Variants in EPN2 observed in about 807,000 individuals in gnomAD.
EPN2 encodes the protein epsin 2, also known as epsin-2.
EPN2 carries 34 observed loss-of-function variants against 61.7 expected under a neutral mutation model. That is an observed-to-expected ratio of 0.55 (90% CI 0.42 to 0.73). EPN2 has a LOEUF of 0.73. Ranked by LOEUF, EPN2 falls within the 30% of genes least tolerant of loss-of-function variation. EPN2 has a pLI of 0.00. For missense variants in EPN2, 714 were observed against 839.2 expected, an observed-to-expected ratio of 0.85 and a Z score of 1.84; for synonymous variants, 349 against 353.6, an observed-to-expected ratio of 0.99 and a Z score of 0.15.
chr17:19,301,606 G>A (rs1001494797), intron 4 of EPN2, among the ~76,000 whole-genome samples: 2 of 152,152 alleles, frequency 1.3e-5, no homozygotes, highest in Admixed American at 6.5e-5. Flanking sequence ...CACCTCTGAC[G>A]GCTTCTGAAC....
chr17:19,291,411 C>T (rs957060349), intron 4 of EPN2, among the ~76,000 whole-genome samples: 9 of 150,028 alleles, frequency 6.0e-5, no homozygotes, highest in African/African-American at 1.2e-4. Flanking sequence ...AGGCTATCCA[C>T]GGTTATCAGC....
chr17:19,282,366 A>G (rs1473370526), intron 2 of EPN2: 2 of 152,356 alleles, frequency 1.3e-5, no homozygotes, highest in Non-Finnish European at 2.9e-5. Context: ...ACATTCGGAA[A>G]CACAGTGGAC....
chr17:19,333,213 C>T (rs1907242983), intron 10 of EPN2, among the ~76,000 whole-genome samples: 1 of 152,088 alleles, frequency 6.6e-6, no homozygotes, highest in Admixed American at 6.5e-5. Flanking sequence ...TGCAGGAGCT[C>T]CAGTGGTCAT....
rs577867292 is a variant in EPN2, at chr17:19,290,391, C to T, written c.766+4601C>T. 5.3e-5 allele frequency among the ~76,000 whole-genome samples: 8 copies of T among 152,202 alleles called. No individual in the cohort carries two copies. In the South Asian group the frequency reaches 1.0e-3, roughly 20 times the overall value. ...AAATTACAGAAGTTCTTGGGGTAGA[C>T]GGAACCTACATCAAAGGGAGGCAGA... On this transcript the variant is annotated intron_variant, in intron 4 of 10. Coordinates refer to ENST00000314728, the MANE Select transcript of EPN2 (RefSeq NM_014964.5).
At chr17:19,298,956 A>C (rs915731282) in intron 4 of EPN2, among the ~76,000 whole-genome samples, 12 of 151,936 alleles carry the variant, frequency 7.9e-5, no homozygotes, top group Non-Finnish European at 1.2e-4. Flanking sequence ...TTCTTTTTTT[A>C]AGGATTCTTT....
chr17:19,247,616 C>T (rs531799005), intron 1 of EPN2, among the ~76,000 whole-genome samples: 1 of 152,284 alleles, frequency 6.6e-6, no homozygotes, highest in Admixed American at 6.5e-5. Flanking sequence ...GGGTGGATGC[C>T]TGCTGGGAGC....
chr17:19,263,399 T>C (rs927329851), intron 1 of EPN2, among the ~76,000 whole-genome samples: 4 of 152,156 alleles, frequency 2.6e-5, no homozygotes, highest in Non-Finnish European at 5.9e-5. Context: ...AGGAGGGAGT[T>C]CCAGGATAGA....
At chr17:19,290,566 T>C (rs1488254927) in intron 4 of EPN2, among the ~76,000 whole-genome samples, 6 of 151,768 alleles carry the variant, frequency 4.0e-5, no homozygotes, top group Admixed American at 3.9e-4. Context: ...AATGCTCAGC[T>C]TGGTGTTCTC....
intron 7 of EPN2, among the ~76,000 whole-genome samples, chr17:19,325,833 TCTA>T (rs139719322): frequency 0.88 from 133,614 of 151,952 alleles, 59,255 homozygotes; most frequent in Non-Finnish European, 0.93. Context: ...TGAAAAAATT[TCTA>T]CAGATAAGTT....
chr17:19,245,230 G>T (rs2044932142), intron 1 of EPN2, among the ~76,000 whole-genome samples: 1 of 152,138 alleles, frequency 6.6e-6, no homozygotes, highest in Non-Finnish European at 1.5e-5. Context: ...AGTCTGTGTG[G>T]GCTAGTAAGG....
At chr17:19,317,738 T>C (rs1490635778) in intron 7 of EPN2, among the ~76,000 whole-genome samples, 3 of 152,218 alleles carry the variant, frequency 2.0e-5, no homozygotes, top group East Asian at 1.9e-4. Flanking sequence ...TGGCATGGCC[T>C]GGACCCTGCC....
intron 1 of EPN2, among the ~76,000 whole-genome samples, chr17:19,260,494 G>A (rs186128626): frequency 2.0e-5 from 3 of 152,288 alleles, no homozygotes; most frequent in African/African-American, 7.2e-5. Context: ...TACACGGGTT[G>A]GTGGCGGAAG....
chr17:19,259,308 C>CTTTTTT (rs776768357), intron 1 of EPN2, among the ~76,000 whole-genome samples: 49 of 96,172 alleles, frequency 5.1e-4, no homozygotes, highest in East Asian at 1.7e-3. Context: ...AGTGTTGGGT[C>CTTTTTT]TTTTTTTTTT....
intron 4 of EPN2, among the ~76,000 whole-genome samples, chr17:19,295,384 T>G (rs1308896444): frequency 2.1e-5 from 2 of 93,766 alleles, no homozygotes; most frequent in Non-Finnish European, 5.5e-5. Flanking sequence ...GCGCGCAAAA[T>G]AGCCAGGTGT....
rs1199201793 is a variant in EPN2, at chr17:19,246,727, T to G, written c.-294+9196T>G. Among the ~76,000 whole-genome samples the G allele has an allele frequency of 2.1e-5, 3 of 142,040 alleles. No homozygotes were observed. In the Admixed American group the frequency reaches 2.2e-4, roughly 10 times the overall value. The allele number at this position is 142,040 out of a possible 152,430, so 93.2% of individuals were successfully genotyped here. ...AAAGGGACGCAGTTGTTTTGTTTTG[T>G]TTTTTTTTTCCCCCCTGAAAGCAAG... On this transcript the variant is annotated intron_variant, in intron 1 of 10. Transcript: ENST00000314728.
At chr17:19,273,472 A>G (rs956383417) in intron 1 of EPN2, among the ~76,000 whole-genome samples, 1 of 152,134 alleles carries the variant, frequency 6.6e-6, no homozygotes, top group Non-Finnish European at 1.5e-5. Context: ...CTTTAAGTAT[A>G]TGAGTATAAA....
At chr17:19,302,443 A>G (rs1050441530) in intron 4 of EPN2, among the ~76,000 whole-genome samples, 19 of 152,304 alleles carry the variant, frequency 1.2e-4, no homozygotes, top group South Asian at 4.1e-4. Flanking sequence ...CCTCCTGTCA[A>G]ATCAGCAGTG....
chr17:19,279,594 A>G (rs1232763458), intron 1 of EPN2, among the ~76,000 whole-genome samples: 1 of 151,498 alleles, frequency 6.6e-6, no homozygotes, highest in South Asian at 2.1e-4. Context: ...GCCCGCCACT[A>G]TGCCTGGCTA....
chr17:19,256,087 G>A (rs375514878), intron 1 of EPN2, among the ~76,000 whole-genome samples: 21 of 151,960 alleles, frequency 1.4e-4, no homozygotes, highest in African/African-American at 4.1e-4. Context: ...ACAGGTGCCC[G>A]CCACCACGCC....
Sources: gnomAD v4.1 joint callset for allele counts (sites outside exome capture counted in the v4.1 genomes callset) on GRCh38, gnomAD v4.1.1 for gene constraint, MANE v1.5 for transcripts, NCBI Gene and HGNC (gene_info 2026-07-23, HGNC 2026-07-21) for gene names.